PRKCE: variants seen among roughly 807,000 people sequenced by gnomAD.
PRKCE encodes protein kinase C epsilon.
Under a neutral mutation model 85.4 loss-of-function variants are expected in PRKCE, and 16 were observed. That is an observed-to-expected ratio of 0.19 (90% CI 0.13 to 0.28). The LOEUF is 0.28. PRKCE is among the 10% of genes least tolerant of loss of function. PRKCE has a pLI of 1.00. For synonymous variants in PRKCE, 388 were observed against 371.5 expected (o/e 1.04, Z -0.51); for missense variants, 573 against 975.2 (o/e 0.59, Z 5.49).
chr2:46,123,014 A>T (rs1288723758), intron 11 of PRKCE, among the ~76,000 whole-genome samples: 1 of 151,082 alleles, frequency 6.6e-6, no homozygotes. Flanking sequence ...AAATCTGAGG[A>T]AAGATCCTAG....
intron 14 of PRKCE, among the ~76,000 whole-genome samples, chr2:46,163,102 G>A (rs1485821409): frequency 2.0e-5 from 3 of 152,246 alleles, no homozygotes; most frequent in Admixed American, 6.5e-5. Context: ...GGTTGACCCC[G>A]GGGATGTGGG....
At chr2:46,118,187 A>G (rs1672960374) in intron 11 of PRKCE, among the ~76,000 whole-genome samples, 1 of 152,140 alleles carries the variant, frequency 6.6e-6, no homozygotes, top group East Asian at 1.9e-4. Context: ...AACTGGAGAG[A>G]CTCCTTTGAG....
At chr2:45,969,407 C>T (rs181033163) in intron 2 of PRKCE, among the ~76,000 whole-genome samples, 8 of 152,294 alleles carry the variant, frequency 5.3e-5, no homozygotes, top group Admixed American at 2.6e-4. Context: ...TCAGAGGTCA[C>T]GGCAAATGAA....
At chr2:45,867,221 C>T (rs1157442835) in intron 2 of PRKCE, among the ~76,000 whole-genome samples, 1 of 152,212 alleles carries the variant, frequency 6.6e-6, no homozygotes, top group South Asian at 2.1e-4. Flanking sequence ...GCACCAAATG[C>T]ACCTAAGAGG....
At chr2:45,731,519 T>A (rs1487926661) in intron 1 of PRKCE, among the ~76,000 whole-genome samples, 1 of 152,008 alleles carries the variant, frequency 6.6e-6, no homozygotes, top group African/African-American at 2.4e-5. Context: ...ATTTTAGACA[T>A]GAGAGAAAGA....
At chr2:45,933,390 A>C (rs576091509) in intron 2 of PRKCE, among the ~76,000 whole-genome samples, 1 of 149,496 alleles carries the variant, frequency 6.7e-6, no homozygotes, top group East Asian at 2.0e-4. Context: ...CAGGCTGCCT[A>C]CCTGAATGTC....
intron 1 of PRKCE, among the ~76,000 whole-genome samples, chr2:45,789,639 G>A (rs940265362): frequency 3.3e-5 from 5 of 152,098 alleles, no homozygotes; most frequent in African/African-American, 9.7e-5. Context: ...TCTGGTTGGG[G>A]GAAAGGGGGG....
intron 13 of PRKCE, among the ~76,000 whole-genome samples, chr2:46,157,289 G>T (rs1042746162): frequency 6.6e-6 from 1 of 152,068 alleles, no homozygotes; most frequent in Non-Finnish European, 1.5e-5. Flanking sequence ...ACCATCCCAG[G>T]CCCCAACACC....
intron 9 of PRKCE, 94 bp from the exon 10 acceptor site, chr2:46,010,250 C>T: frequency 7.5e-7 from 1 of 1,331,744 alleles, no homozygotes; most frequent in Non-Finnish European, 1.0e-6. Context: ...AAAGAAAAAA[C>T]AGAATTCGTT....
rs1229751745 is a variant in PRKCE, at chr2:45,907,081, G to A, written c.412+64018G>A. On this transcript the variant is annotated intron_variant, in intron 2 of 14. Coordinates refer to ENST00000306156, the MANE Select transcript of PRKCE (RefSeq NM_005400.3). This position sits in a 1 kb window ranked among gnomAD's most constrained non-coding sequence, Gnocchi z 4.5. The stretch of plus-strand genomic sequence containing the variant: ...CGTCGGAGGTCTAAGTGGTATAGAC[G>A]GAAGGAAGGCGGTCAGAGGGTACAC... Among the ~76,000 whole-genome samples, 7 of 152,186 alleles carry A rather than the reference G, an allele frequency of 4.6e-5. No individual in the cohort carries two copies. The highest frequency in any genetic ancestry group is 1.2e-4 in the African/African-American group (5 of 41,448).
chr2:45,691,805 C>T (rs534170718), intron 1 of PRKCE, among the ~76,000 whole-genome samples: 1 of 152,174 alleles, frequency 6.6e-6, no homozygotes, highest in African/African-American at 2.4e-5. Flanking sequence ...GGCACTCTTT[C>T]CTGTAGCGGA....
At chr2:45,942,790 T>C (rs116341027) in intron 2 of PRKCE, among the ~76,000 whole-genome samples, 233 of 152,354 alleles carry the variant, frequency 1.5e-3, no homozygotes, top group African/African-American at 5.3e-3. Context: ...ATTATGTTTA[T>C]TATAGTACAC....
intron 1 of PRKCE, among the ~76,000 whole-genome samples, chr2:45,702,692 T>C (rs971888704): frequency 3.3e-5 from 5 of 152,196 alleles, no homozygotes; most frequent in African/African-American, 4.8e-5. Context: ...CTTCTTTTTT[T>C]TCCCCCAAAA....
intron 11 of PRKCE, among the ~76,000 whole-genome samples, chr2:46,119,348 A>G (rs1574518029): frequency 1.3e-5 from 2 of 151,730 alleles, no homozygotes; most frequent in South Asian, 2.1e-4. Context: ...AACTTGGGCT[A>G]TTAGTTCTTT....
intron 1 of PRKCE, among the ~76,000 whole-genome samples, chr2:45,714,518 T>G (rs1300322433): frequency 6.6e-6 from 1 of 152,238 alleles, no homozygotes; most frequent in African/African-American, 2.4e-5. Flanking sequence ...GAATGGCTCT[T>G]TAAATGAAAC....
rs545895082 is a variant in PRKCE at position 45,829,840 on chromosome 2, G to A, written c.349-13160G>A. Among the ~76,000 whole-genome samples the A allele has an allele frequency of 3.6e-3, 551 of 152,078 alleles. 6 individuals are homozygous for A. The highest frequency in any genetic ancestry group is 0.012 in the African/African-American group (496 of 41,490). ...TGTAATCCCAGCACTTTGGGAGGCC[G>A]AGGCGGGCGGATCACGAGGTCAGGA... On this transcript the variant is annotated intron_variant, in intron 1 of 14. Coordinates refer to ENST00000306156, the MANE Select transcript of PRKCE (RefSeq NM_005400.3).
In PRKCE at chr2:45,895,011, C is replaced by G. The variant is rs758727150; in HGVS notation, c.412+51948C>G. On this transcript the variant is annotated intron_variant, in intron 2 of 14. Transcript: ENST00000306156. The surrounding 1 kb of genome is among the most constrained non-coding windows in gnomAD (Gnocchi z 4.8). ...GTGCTGGGATTACAGGCATCAGCCC[C>G]TGTGCCCCCGTTCGTTTGTTTTGAG... Among the ~76,000 whole-genome samples the G allele has an allele frequency of 2.6e-5, 4 of 152,234 alleles. No homozygotes were observed. The highest frequency in any genetic ancestry group is 2.9e-5 in the Non-Finnish European group (2 of 68,042).
chr2:45,855,884 G>C (rs751101688), intron 2 of PRKCE, among the ~76,000 whole-genome samples: 6 of 152,054 alleles, frequency 3.9e-5, no homozygotes, highest in Non-Finnish European at 8.8e-5. Context: ...TAAGGCTGTT[G>C]ACTGCTGCCC....
intron 14 of PRKCE, among the ~76,000 whole-genome samples, chr2:46,168,706 T>C (rs1272139062): frequency 6.6e-6 from 1 of 152,196 alleles, no homozygotes; most frequent in Non-Finnish European, 1.5e-5. Flanking sequence ...ATCCGGCACC[T>C]GACTCCTAAC....
Sources: allele counts gnomAD v4.1 joint callset (sites outside exome capture counted in the v4.1 genomes callset), GRCh38; gene constraint gnomAD v4.1.1; non-coding constraint Gnocchi (gnomAD v3.1); transcripts MANE v1.5; gene names NCBI Gene and HGNC (gene_info 2026-07-23, HGNC 2026-07-21).